L2HGDH: variants seen among roughly 807,000 people sequenced by gnomAD.
The protein encoded by L2HGDH is L-2-hydroxyglutarate dehydrogenase, mitochondrial.
L2HGDH carries 34 observed loss-of-function variants against 51.5 expected under a neutral mutation model. That is an observed-to-expected ratio of 0.66 (90% confidence interval 0.50 to 0.88). The LOEUF (loss-of-function observed/expected upper bound fraction) is 0.88. L2HGDH is among the 40% of genes least tolerant of loss of function. L2HGDH has a pLI of 0.00. For missense variants in L2HGDH, 558 were observed against 571.9 expected, an observed-to-expected ratio of 0.98 and a Z score of 0.25; for synonymous variants, 198 against 197.9, an observed-to-expected ratio of 1.00 and a Z score of -0.01.
chr14:50,265,556 ATTATTAGATTCTTTTT>A, intron 8 of L2HGDH, 67 bp from the exon 9 acceptor site: 1 of 1,312,542 alleles, frequency 7.6e-7, no homozygotes, highest in Non-Finnish European at 1.1e-6. Context: ...TACCTTTATA[ATTATTAGATTCTTTTT>A]TTATGTCATC....
chr14:50,247,165 C>T lies in L2HGDH; in HGVS notation c.1285G>A (p.Gly429Arg), dbSNP rs751508205. ...TTTCTCACATGAAGAATGCGATTTC[C>T]AATATCCCCAACTCCTGCATCAAAT... ...FVFDAGVGDIGNRILHVRNAP... is the reference protein window; with the variant it reads ...FVFDAGVGDIRNRILHVRNAP... The change falls in exon 10 of 10, where the codon GGA (glycine) becomes AGA (arginine). Residue 429 changes from glycine (G) to arginine (R), a missense_variant. Coordinates refer to ENST00000267436, the MANE Select transcript of L2HGDH (RefSeq NM_024884.3). The T allele has an allele frequency of 6.2e-7, 1 of 1,614,092 alleles. No individual in the cohort carries two copies. The highest frequency in any genetic ancestry group is 1.7e-5 in the Admixed American group (1 of 60,006).
chr14:50,250,121 C>T (rs1019070739), intron 9 of L2HGDH, among the ~76,000 whole-genome samples: 3 of 152,092 alleles, frequency 2.0e-5, no homozygotes, highest in Non-Finnish European at 2.9e-5. Flanking sequence ...AGGCTGGTCT[C>T]GAACTCCTGA....
intron 6 of L2HGDH, among the ~76,000 whole-genome samples, chr14:50,271,401 C>T (rs1015733095): frequency 3.3e-5 from 5 of 152,110 alleles, no homozygotes; most frequent in Non-Finnish European, 7.4e-5. Context: ...AGCAACAGTT[C>T]CCAAGAAAGA....
At chr14:50,266,591 C>T (rs1889347904) in intron 8 of L2HGDH, among the ~76,000 whole-genome samples, 1 of 152,104 alleles carries the variant, frequency 6.6e-6, no homozygotes, top group Non-Finnish European at 1.5e-5. Flanking sequence ...GCAGTGAGGA[C>T]AAAGTGAGAC....
At position 50,243,981 on chromosome 14, in the gene L2HGDH, T is replaced by C. The variant is rs1887900713; in HGVS notation, c.*3077A>G. ...GTTTACTGAGAATGATGATTTCCAA[T>C]TTCATCCATGTCCCTACAAAGGACA... On this transcript the variant is annotated 3_prime_UTR_variant, in exon 10 of 10. Transcript: ENST00000267436. 6.6e-6 allele frequency: 1 copy of C among 151,016 alleles called. No homozygotes were observed. Among genetic ancestry groups the C allele is most frequent in the East Asian group, 1.9e-4 (1 of 5,130 alleles). 9.4% of individuals were successfully genotyped at this position (151,016 alleles called of 1,614,324 possible). A position where few individuals can be genotyped will look rare whatever the true frequency, so the allele number is the denominator to read the frequency against.
rs759631551 is a variant in L2HGDH at position 50,294,237 on chromosome 14, C to G, written c.418G>C (p.Ala140Pro). Residue 140 changes from alanine to proline, a missense_variant, in exon 4 of 10, where the codon GCT (alanine) becomes CCT (proline). Transcript: ENST00000267436. ...CTGGGAATTTCTTCTTGTTCAACAG[C>G]TACTATAAGCTTCAAAAAAAAAAAG... is the stretch of plus-strand genomic sequence containing the variant. ...SYKQCGKLIV[A>P]VEQEEIPRLQ... 3.6e-5 allele frequency: 58 copies of G among 1,611,488 alleles called. No individual in the cohort carries two copies. The highest frequency in any genetic ancestry group is 4.8e-5 in the Non-Finnish European group (57 of 1,179,398).
rs891992332 is a variant in L2HGDH, at chr14:50,246,963, A to G, written c.*95T>C. 4.8e-6 allele frequency: 7 copies of G among 1,472,874 alleles called. No individual in the cohort carries two copies. The Admixed American group carries it at 9.2e-5, about 19-fold the overall frequency. 91.2% of individuals were successfully genotyped at this position (1,472,874 alleles called of 1,614,324 possible). A position where few individuals can be genotyped will look rare whatever the true frequency, so the allele number is the denominator to read the frequency against. On this transcript the variant is annotated 3_prime_UTR_variant, in exon 10 of 10. Coordinates refer to ENST00000267436, the MANE Select transcript of L2HGDH (RefSeq NM_024884.3). ...GTGGTTATCTTTGACCTAAAAACTA[A>G]AGTTTAAAAACCATTTTTTAAATTA...
chr14:50,247,017 T>C lies in L2HGDH; in HGVS notation c.*41A>G, dbSNP rs1425318951. 1.9e-6 allele frequency: 3 copies of C among 1,592,566 alleles called. No homozygotes were observed. The highest frequency in any genetic ancestry group is 2.6e-6 in the Non-Finnish European group (3 of 1,166,626). ...AATGCAATTAGTACATTCTTGTTGC[T>C]GACATGAAGATTACAGTGCATACCT... On this transcript the variant is annotated 3_prime_UTR_variant, in exon 10 of 10. Transcript: ENST00000267436.
At chr14:50,268,381 GAAAAAAA>G (rs769880130) in intron 7 of L2HGDH, among the ~76,000 whole-genome samples, 881 of 67,936 alleles carry the variant, frequency 0.013, 7 homozygotes, top group Non-Finnish European at 0.018. Flanking sequence ...TCTGTCTCAG[GAAAAAAA>G]AAAAAAAAAA....
intron 9 of L2HGDH, among the ~76,000 whole-genome samples, chr14:50,258,372 C>A (rs953078562): frequency 6.6e-6 from 1 of 152,068 alleles, no homozygotes; most frequent in Non-Finnish European, 1.5e-5. Flanking sequence ...GACACCACTA[C>A]ACCCAGCTAA....
intron 3 of L2HGDH, among the ~76,000 whole-genome samples, chr14:50,294,689 A>G (rs2029926047): frequency 6.6e-6 from 1 of 152,242 alleles, no homozygotes; most frequent in Non-Finnish European, 1.5e-5. Flanking sequence ...CTGGTACTGA[A>G]TGTGATGGAA....
At chr14:50,279,811 A>G (rs1162481501) in intron 5 of L2HGDH, among the ~76,000 whole-genome samples, 8 of 152,188 alleles carry the variant, frequency 5.3e-5, no homozygotes, top group Admixed American at 2.0e-4. Flanking sequence ...CTGTAACCCC[A>G]GAACTTTGGG....
Sources: gnomAD v4.1 joint callset for allele counts (sites outside exome capture counted in the v4.1 genomes callset) on GRCh38, gnomAD v4.1.1 for gene constraint, MANE v1.5 for transcripts, NCBI Gene and HGNC (gene_info 2026-07-23, HGNC 2026-07-21) for gene names.